Variants in WNK3 observed in about 807,000 individuals in gnomAD.
WNK3 encodes the protein serine/threonine-protein kinase WNK3.
Under a neutral mutation model 116.7 loss-of-function variants are expected in WNK3, and 18 were observed. The observed-to-expected ratio is 0.15, with a 90% CI of 0.11 to 0.23. WNK3 has a LOEUF of 0.23. Among genes scored for constraint, WNK3 ranks in the 10% least tolerant of loss-of-function variants. The probability of loss-of-function intolerance (pLI) is 1.00; values close to 1 mark genes in which losing one functional copy is unlikely to be tolerated. For synonymous variants in WNK3, 404 were observed against 469.4 expected, an observed-to-expected ratio of 0.86 and a Z score of 1.80; for missense variants, 993 against 1,323.8, an observed-to-expected ratio of 0.75 and a Z score of 3.88.
At chrX:54,234,825 CAA>C (rs782143289) in intron 20 of WNK3, among the ~76,000 whole-genome samples, 1 of 60,503 alleles carries the variant, frequency 1.7e-5, no homozygotes, top group Non-Finnish European at 3.1e-5. Context: ...GACTCCGTCT[CAA>C]AAAAAAAAAA....
chrX:54,238,281 T>A, intron 19 of WNK3, 61 bp downstream of exon 19: 1 of 1,137,521 alleles, frequency 8.8e-7, no homozygotes, highest in South Asian at 2.1e-5. Context: ...GACCAAGATC[T>A]CCACTGGCTG....
intron 2 of WNK3, among the ~76,000 whole-genome samples, chrX:54,325,764 T>C (rs2069095938): frequency 9.2e-6 from 1 of 108,643 alleles, no homozygotes; most frequent in Non-Finnish European, 1.9e-5. Flanking sequence ...GTAAGTATTT[T>C]CCAACTCATC....
At chrX:54,297,405 C>T (rs1479496086) in intron 7 of WNK3, among the ~76,000 whole-genome samples, 4 of 110,159 alleles carry the variant, frequency 3.6e-5, no homozygotes, top group Non-Finnish European at 3.8e-5. Context: ...GGTGAAACCA[C>T]ATCTCTACTA....
At chrX:54,272,552 A>G (rs782119120) in intron 10 of WNK3, among the ~76,000 whole-genome samples, 1 of 112,221 alleles carries the variant, frequency 8.9e-6, no homozygotes, top group Non-Finnish European at 1.9e-5. Context: ...AATGGTCATT[A>G]CCAGAATACA....
rs1170279753 is a variant in WNK3 at position 54,246,720 on chromosome X, T to C, written c.3651+1977A>G. On this transcript the variant is annotated intron_variant, in intron 17 of 23. Transcript: ENST00000354646. ...CACTAATCACATGTGGCTGTCTAAA[T>C]TTAAATTAATTAAATTAAATTAAAA... is the stretch of plus-strand genomic sequence containing the variant. Among the ~76,000 whole-genome samples, 5 of 112,040 alleles carry C rather than the reference T, an allele frequency of 4.5e-5. No homozygotes were observed. In the Admixed American group the frequency reaches 4.8e-4, roughly 11 times the overall value.
At chrX:54,302,256 CAT>C (rs2068765281) in intron 5 of WNK3, among the ~76,000 whole-genome samples, 1 of 111,735 alleles carries the variant, frequency 8.9e-6, no homozygotes, top group African/African-American at 3.2e-5. Context: ...CCCAAATCTA[CAT>C]ACAGTATAAT....
intron 10 of WNK3, among the ~76,000 whole-genome samples, chrX:54,264,060 G>A (rs1261962779): frequency 9.3e-6 from 1 of 107,572 alleles, no homozygotes; most frequent in Non-Finnish European, 1.9e-5. Context: ...TGGGCCAGGT[G>A]TGGTGGCTCA....
chrX:54,318,809 G>T (rs958691315), intron 2 of WNK3, among the ~76,000 whole-genome samples: 9 of 109,377 alleles, frequency 8.2e-5, no homozygotes, highest in Non-Finnish European at 1.5e-4. Flanking sequence ...ATGGAGTCTT[G>T]CTCTGTCATC....
chrX:54,250,882 A>C (rs986678616), intron 15 of WNK3, among the ~76,000 whole-genome samples: 2 of 111,206 alleles, frequency 1.8e-5, no homozygotes, highest in Non-Finnish European at 3.8e-5. Context: ...AGATAAAGTC[A>C]TCAGAAAAGA....
intron 22 of WNK3, among the ~76,000 whole-genome samples, chrX:54,220,375 G>A (rs921838121): frequency 9.1e-6 from 1 of 109,883 alleles, no homozygotes; most frequent in Non-Finnish European, 1.9e-5. Flanking sequence ...GCAACATAAG[G>A]AGACCCCATC....
At chrX:54,288,117 G>A (rs2068599876) in intron 10 of WNK3, among the ~76,000 whole-genome samples, 1 of 111,768 alleles carries the variant, frequency 8.9e-6, no homozygotes, top group Non-Finnish European at 1.9e-5. Context: ...CCAGTCAGCA[G>A]ACTGCTGCTG....
chrX:54,296,269 T>C (rs2068697591), intron 7 of WNK3, among the ~76,000 whole-genome samples: 1 of 111,129 alleles, frequency 9.0e-6, no homozygotes, highest in Non-Finnish European at 1.9e-5. Flanking sequence ...TCCCTCTTAA[T>C]CCCCAAACCT....
intron 1 of WNK3, among the ~76,000 whole-genome samples, chrX:54,336,067 A>G (rs1432237528): frequency 8.9e-6 from 1 of 112,107 alleles, no homozygotes; most frequent in Admixed American, 9.5e-5. Flanking sequence ...AGGTGGGTGG[A>G]CTGCCTGAGC....
intron 10 of WNK3, among the ~76,000 whole-genome samples, chrX:54,274,531 G>A (rs1421000211): frequency 9.0e-6 from 1 of 111,310 alleles, no homozygotes; most frequent in Non-Finnish European, 1.9e-5. Flanking sequence ...ACATCACTAC[G>A]GTAATTTTTT....
intron 22 of WNK3, among the ~76,000 whole-genome samples, chrX:54,222,911 TA>T (rs1193094226): frequency 2.7e-4 from 21 of 76,898 alleles, no homozygotes; most frequent in African/African-American, 6.9e-4. Context: ...ATAATAATAA[TA>T]ATAATATATA....
Position 54,237,049 on chromosome X carries a change from G to A in WNK3, c.4517C>T (p.Ala1506Val), listed in dbSNP as rs2067968972. Residue 1506 changes from alanine (A) to valine (V), a missense_variant, in exon 20 of 24, where the codon GCT (alanine) becomes GTT (valine). This residue lies in a region of WNK3 where 836 missense variants were observed against 976.5 expected (regional missense o/e 0.86). Transcript: ENST00000354646. The stretch of plus-strand genomic sequence containing the variant: ...ATAGAAGAGTGAACTCTGTGTTTGA[G>A]CATAAGCTTGTTCTTCGTGGTGTGG... 2.5e-6 allele frequency: 3 copies of A among 1,212,077 alleles called. No individual in the cohort carries two copies. The highest frequency in any genetic ancestry group is 3.3e-6 in the Non-Finnish European group (3 of 895,600).
intron 22 of WNK3, among the ~76,000 whole-genome samples, chrX:54,222,941 A>ATATATATATAT (rs59332285): frequency 7.9e-4 from 66 of 84,049 alleles, no homozygotes; most frequent in African/African-American, 4.0e-3. Flanking sequence ...TATATATATA[A>ATATATATATAT]AAAAAGACAC....
intron 17 of WNK3, among the ~76,000 whole-genome samples, chrX:54,239,690 A>G (rs2068002579): frequency 9.0e-6 from 1 of 111,526 alleles, no homozygotes; most frequent in Non-Finnish European, 1.9e-5. Flanking sequence ...CTTCAAAATC[A>G]TGCTCTAAAA....
intron 2 of WNK3, among the ~76,000 whole-genome samples, chrX:54,320,418 A>G (rs2069015689): frequency 8.9e-6 from 1 of 112,801 alleles, no homozygotes; most frequent in South Asian, 3.7e-4. Flanking sequence ...AATCATTAAC[A>G]ATGATATAAA....
Sources: gnomAD v4.1 joint callset for allele counts (sites outside exome capture counted in the v4.1 genomes callset) on GRCh38, gnomAD v4.1.1 for gene constraint, gnomAD v4.1.1 regional missense constraint, MANE v1.5 for transcripts, NCBI Gene and HGNC (gene_info 2026-07-23, HGNC 2026-07-21) for gene names.